Variants in ZC3H13 observed in about 807,000 individuals in gnomAD.
ZC3H13 encodes zinc finger CCCH domain-containing protein 13.
Under a neutral mutation model 204.1 loss-of-function variants are expected in ZC3H13, and 64 were observed. The ratio of observed to expected loss-of-function variants is 0.31; its 90% confidence interval spans 0.26 to 0.39. The LOEUF (loss-of-function observed/expected upper bound fraction) is 0.39. Ranked by LOEUF, ZC3H13 falls within the 10% of genes least tolerant of loss-of-function variation. The pLI is 1.00. For missense variants in ZC3H13, 1,833 were observed against 2,082.7 expected (o/e 0.88, Z 2.33); for synonymous variants, 667 against 693.7 (o/e 0.96, Z 0.60).
chr13:45,970,838 T>C (rs1343313329), intron 12 of ZC3H13, among the ~76,000 whole-genome samples: 2 of 152,242 alleles, frequency 1.3e-5, no homozygotes, highest in Non-Finnish European at 2.9e-5. Context: ...AAATGCCTTA[T>C]GCTGCAGAGC....
intron 7 of ZC3H13, 142 bp from the exon 8 acceptor site, chr13:46,003,478 A>G: frequency 1.5e-6 from 1 of 684,860 alleles, no homozygotes; most frequent in Non-Finnish European, 2.3e-6. Context: ...CAAGAAGAAA[A>G]AAAAACTAAC....
chr13:45,968,662 C>T, intron 14 of ZC3H13, 86 bp downstream of exon 14: 2 of 1,468,590 alleles, frequency 1.4e-6, no homozygotes, highest in Non-Finnish European at 1.8e-6. Context: ...GTAAAGTAAC[C>T]AATTTAGCAT....
chr13:45,990,762 G>A (rs1374046613), intron 8 of ZC3H13, among the ~76,000 whole-genome samples: 1 of 151,458 alleles, frequency 6.6e-6, no homozygotes, highest in Non-Finnish European at 1.5e-5. Flanking sequence ...AGTCAGTATT[G>A]TCTGGTTGTT....
intron 1 of ZC3H13, among the ~76,000 whole-genome samples, chr13:46,048,495 G>A (rs1162745997): frequency 6.6e-6 from 1 of 150,780 alleles, no homozygotes; most frequent in Non-Finnish European, 1.5e-5. Context: ...GCGGGAGAAT[G>A]GCGTGAACCC....
chr13:45,983,400 C>CA (rs1312649867), intron 10 of ZC3H13, among the ~76,000 whole-genome samples: 348 of 30,818 alleles, frequency 0.011, 11 homozygotes, highest in African/African-American at 0.028. Flanking sequence ...GCCCCTTCTA[C>CA]TTATATATAT....
chr13:46,038,685 C>T (rs1326207367), intron 4 of ZC3H13, among the ~76,000 whole-genome samples: 5 of 152,116 alleles, frequency 3.3e-5, no homozygotes, highest in African/African-American at 7.2e-5. Context: ...AGCAAGAATG[C>T]ACCATAAAAA....
intron 4 of ZC3H13, among the ~76,000 whole-genome samples, chr13:46,023,187 T>C (rs1260451904): frequency 2.6e-5 from 4 of 152,290 alleles, no homozygotes; most frequent in Admixed American, 1.3e-4. Flanking sequence ...TCCTACCCTA[T>C]GCAGAACAAT....
In ZC3H13 at chr13:46,018,363, T is replaced by C. The variant is rs79163340; in HGVS notation, c.448+2086A>G. 1.6e-4 allele frequency among the ~76,000 whole-genome samples: 25 copies of C among 152,208 alleles called. No homozygotes were observed. The East Asian group carries it at 4.6e-3, about 28-fold the overall frequency. Reference sequence around the variant, plus strand: ...AAGGCACAGAACTGTTTTAAGAATTTAGTTGTTAAGTGGGGATAAGCAGGA... The same window carrying C: ...AAGGCACAGAACTGTTTTAAGAATTCAGTTGTTAAGTGGGGATAAGCAGGA... On this transcript the variant is annotated intron_variant, in intron 5 of 18. Transcript: ENST00000679008.
At chr13:46,045,147 C>T in intron 2 of ZC3H13, 83 bp from the exon 3 acceptor site, 5 of 1,262,550 alleles carry the variant, frequency 4.0e-6, no homozygotes, top group Middle Eastern at 2.2e-4. Context: ...AAAACAAATG[C>T]TACCAAAATT....
At chr13:46,044,767 T>C (rs375987959) in intron 3 of ZC3H13, among the ~76,000 whole-genome samples, 188 bp downstream of exon 3, 21 of 152,262 alleles carry the variant, frequency 1.4e-4, no homozygotes, top group East Asian at 5.8e-4. Flanking sequence ...ATAAGTTAAT[T>C]TGAAAGCAAA....
intron 8 of ZC3H13, among the ~76,000 whole-genome samples, chr13:45,994,767 G>A (rs1263565625): frequency 6.6e-6 from 1 of 152,118 alleles, no homozygotes; most frequent in African/African-American, 2.4e-5. Context: ...CTTTCTGCTG[G>A]GGATAGGGTA....
chr13:45,957,139 C>T lies in ZC3H13; in HGVS notation c.4998G>A (p.Leu1666=). Residue 1666 remains leucine, a synonymous_variant, in exon 19 of 19, where the codon CTG becomes CTA. Transcript: ENST00000679008. ...TTGAACTTCGGTCTTAAGACACACA[C>T]AGTTCCTGTTGGATACTGGACTGTG... is the stretch of plus-strand genomic sequence containing the variant. The part of the protein sequence containing the change: ...KLSQSSIQQE[L]CVS 1 of 1,530,776 alleles carries T rather than the reference C, an allele frequency of 6.5e-7. No homozygotes were observed. The highest frequency in any genetic ancestry group is 8.8e-7 in the Non-Finnish European group (1 of 1,135,834). The allele number at this position is 1,530,776 out of a possible 1,614,324, so 94.8% of individuals were successfully genotyped here.
intron 10 of ZC3H13, among the ~76,000 whole-genome samples, chr13:45,982,821 A>G (rs1240621321): frequency 1.3e-5 from 2 of 152,230 alleles, no homozygotes; most frequent in East Asian, 3.8e-4. Context: ...AAAAAAAATT[A>G]CATTAAAAAG....
intron 15 of ZC3H13, among the ~76,000 whole-genome samples, chr13:45,966,449 T>C (rs1952093270): frequency 6.6e-6 from 1 of 152,160 alleles, no homozygotes; most frequent in African/African-American, 2.4e-5. Flanking sequence ...TAATAGGATT[T>C]TCAACTTTTC....
Position 45,985,614 on chromosome 13 carries a change from C to T in ZC3H13, c.1403G>A (p.Arg468Lys), listed in dbSNP as rs1954109990. 6.2e-7 allele frequency: 1 copy of T among 1,613,834 alleles called. No individual in the cohort carries two copies. Residue 468 changes from arginine (R) to lysine (K), a missense_variant, in exon 10 of 19, where the codon AGG becomes AAG. Transcript: ENST00000679008. The stretch of plus-strand genomic sequence containing the variant: ...CATGTCTCTGGAGTCTCTTAGTTCC[C>T]TTCGGTCCCTAGTATCTCTGGCATC... ...RRDARDTRDR[R>K]ELRDSRDMRD...
At chr13:46,050,314 T>G (rs2044313164) in intron 1 of ZC3H13, among the ~76,000 whole-genome samples, 2 of 152,150 alleles carry the variant, frequency 1.3e-5, no homozygotes, top group African/African-American at 4.8e-5. Flanking sequence ...TCTTTTTGAA[T>G]AATGACTCCA....
At chr13:46,004,548 AT>A (rs920677705) in intron 7 of ZC3H13, among the ~76,000 whole-genome samples, 2 of 151,984 alleles carry the variant, frequency 1.3e-5, no homozygotes, top group East Asian at 1.9e-4. Context: ...TCAAAATAAA[AT>A]TTTTTTTAAA....
At chr13:46,023,390 T>G (rs186433765) in intron 4 of ZC3H13, among the ~76,000 whole-genome samples, 1 of 152,290 alleles carries the variant, frequency 6.6e-6, no homozygotes, top group Admixed American at 6.5e-5. Flanking sequence ...TTCTACTGAT[T>G]GGGAATAGTT....
rs537122504 is a variant in ZC3H13 at position 46,051,003 on chromosome 13, T to C, written c.-10+1401A>G. The stretch of plus-strand genomic sequence containing the variant: ...AGCTCCACCTCTATATGAGATGGAG[T>C]TGGGAGAGATGAGGAGGTGAGGAAG... On this transcript the variant is annotated intron_variant, in intron 1 of 18. Coordinates refer to ENST00000679008, the MANE Select transcript of ZC3H13 (RefSeq NM_001330564.2). Among the ~76,000 whole-genome samples the C allele has an allele frequency of 3.3e-5, 5 of 151,918 alleles. No homozygotes were observed. In the East Asian group the frequency reaches 7.7e-4, roughly 23 times the overall value.
Sources: allele counts gnomAD v4.1 joint callset (sites outside exome capture counted in the v4.1 genomes callset), GRCh38; gene constraint gnomAD v4.1.1; transcripts MANE v1.5; gene names NCBI Gene and HGNC (gene_info 2026-07-23, HGNC 2026-07-21).